ROBO1: variants seen among roughly 807,000 people sequenced by gnomAD.
The protein encoded by ROBO1 is roundabout homolog 1.
Under a neutral mutation model 195.9 loss-of-function variants are expected in ROBO1, and 149 were observed. The observed-to-expected ratio is 0.76, with a 90% CI of 0.67 to 0.87. ROBO1 has a LOEUF of 0.87. Ranked by LOEUF, ROBO1 falls within the 40% of genes least tolerant of loss-of-function variation. ROBO1 has a pLI of 0.00. For missense variants in ROBO1, 1,933 were observed against 2,068.3 expected, an observed-to-expected ratio of 0.93 and a Z score of 1.27; for synonymous variants, 816 against 733.2, an observed-to-expected ratio of 1.11 and a Z score of -1.82.
At chr3:78,601,409 C>A (rs1703163735) in intron 29 of ROBO1, among the ~76,000 whole-genome samples, 1 of 152,138 alleles carries the variant, frequency 6.6e-6, no homozygotes, top group South Asian at 2.1e-4. Context: ...CCATTCTACT[C>A]ATCACAACTT....
chr3:79,679,047 T>C (rs1002758789), intron 1 of ROBO1, among the ~76,000 whole-genome samples: 1 of 152,088 alleles, frequency 6.6e-6, no homozygotes, highest in Non-Finnish European at 1.5e-5. Flanking sequence ...TAAAATCATA[T>C]GGATATATAG....
intron 4 of ROBO1, among the ~76,000 whole-genome samples, chr3:78,908,488 A>G (rs1218355605): frequency 6.6e-6 from 1 of 151,978 alleles, no homozygotes; most frequent in Non-Finnish European, 1.5e-5. Flanking sequence ...CAGTCTGAGT[A>G]GCCATTTAAA....
At chr3:78,721,136 T>C (rs1185257984) in intron 5 of ROBO1, among the ~76,000 whole-genome samples, 1 of 152,124 alleles carries the variant, frequency 6.6e-6, no homozygotes, top group Non-Finnish European at 1.5e-5. Context: ...ATACGAGTTG[T>C]ACAAATGAAA....
At chr3:79,471,495 C>A (rs1938267426) in intron 2 of ROBO1, among the ~76,000 whole-genome samples, 1 of 151,994 alleles carries the variant, frequency 6.6e-6, no homozygotes, top group African/African-American at 2.4e-5. Context: ...TTTTTTCTCA[C>A]TATACTATGT....
At chr3:79,351,637 A>G (rs1438234029) in intron 2 of ROBO1, among the ~76,000 whole-genome samples, 2 of 152,092 alleles carry the variant, frequency 1.3e-5, no homozygotes, top group Non-Finnish European at 2.9e-5. Flanking sequence ...ATTATTGTTC[A>G]TTTCATCCCT....
intron 3 of ROBO1, among the ~76,000 whole-genome samples, chr3:78,973,786 C>T (rs2076827429): frequency 6.6e-6 from 1 of 151,588 alleles, no homozygotes; most frequent in African/African-American, 2.4e-5. Context: ...ACATAAATAT[C>T]GCATATTTAT....
In ROBO1 at chr3:79,052,028, C is replaced by T. The variant is rs111948436; in HGVS notation, c.172+73428G>A. On this transcript the variant is annotated intron_variant, in intron 3 of 30. Coordinates refer to ENST00000464233, the MANE Select transcript of ROBO1 (RefSeq NM_002941.4). ...ATGAAATCTGGGCATCCTAAAAGAA[C>T]AGGATAACAGCGATTTTCAGGGAAC... Among the ~76,000 whole-genome samples, 97 of 152,126 alleles carry T rather than the reference C, an allele frequency of 6.4e-4. 2 individuals are homozygous for T. Among genetic ancestry groups the T allele is most frequent in the African/African-American group, 2.2e-3 (92 of 41,524 alleles).
chr3:78,863,348 T>C (rs2034968557), intron 4 of ROBO1, among the ~76,000 whole-genome samples: 2 of 152,178 alleles, frequency 1.3e-5, no homozygotes, highest in Admixed American at 1.3e-4. Flanking sequence ...CTATTTTATA[T>C]AGCCCATACT....
intron 4 of ROBO1, among the ~76,000 whole-genome samples, chr3:78,822,914 A>G (rs2031154191): frequency 6.6e-6 from 1 of 152,216 alleles, no homozygotes; most frequent in South Asian, 2.1e-4. Context: ...AATTATGTCA[A>G]TTTTCCCTCA....
chr3:79,247,129 G>GA (rs2082639081), intron 2 of ROBO1, among the ~76,000 whole-genome samples: 1 of 134,808 alleles, frequency 7.4e-6, no homozygotes, highest in Non-Finnish European at 1.6e-5. Flanking sequence ...CCTGTTTACT[G>GA]TTTTTTTTTT....
intron 4 of ROBO1, among the ~76,000 whole-genome samples, chr3:78,912,396 C>T (rs1046336841): frequency 1.3e-5 from 2 of 152,100 alleles, no homozygotes; most frequent in African/African-American, 2.4e-5. Flanking sequence ...TCCGTGAAGA[C>T]AGATTACCAC....
chr3:79,294,502 G>T (rs1210593087), intron 2 of ROBO1, among the ~76,000 whole-genome samples: 1 of 152,158 alleles, frequency 6.6e-6, no homozygotes, highest in Non-Finnish European at 1.5e-5. Flanking sequence ...AATCTTAGAA[G>T]AAAATCTAGG....
intron 2 of ROBO1, among the ~76,000 whole-genome samples, chr3:79,474,712 G>A (rs1938459961): frequency 6.6e-6 from 1 of 151,962 alleles, no homozygotes; most frequent in South Asian, 2.1e-4. Flanking sequence ...CAAATAAGTT[G>A]GTGAAACACC....
chr3:79,429,283 G>T (rs2038577482), intron 2 of ROBO1, among the ~76,000 whole-genome samples: 1 of 152,088 alleles, frequency 6.6e-6, no homozygotes, highest in Non-Finnish European at 1.5e-5. Context: ...AAAGCATTAT[G>T]TCAGAATCCA....
rs546361880 is a variant in ROBO1, at chr3:78,770,713, C to T, written c.500-23813G>A. On this transcript the variant is annotated intron_variant, in intron 4 of 30. Transcript: ENST00000464233. The stretch of plus-strand genomic sequence containing the variant: ...TAAGTTCTTTTGCAAAGCCAATATC[C>T]AGAATAGTGTATCCTAGGTTTTCCT... 3.9e-5 allele frequency among the ~76,000 whole-genome samples: 6 copies of T among 152,208 alleles called. No homozygotes were observed. The East Asian group carries it at 9.7e-4, about 24-fold the overall frequency.
chr3:79,021,651 ATTT>A (rs71127372), intron 3 of ROBO1, among the ~76,000 whole-genome samples: 49,442 of 77,258 alleles, frequency 0.64, 14,878 homozygotes, highest in South Asian at 0.78. Context: ...CCTAGAGATG[ATTT>A]TTTTTTTTTT....
chr3:79,534,497 G>C (rs1172431204), intron 2 of ROBO1, among the ~76,000 whole-genome samples: 1 of 152,064 alleles, frequency 6.6e-6, no homozygotes, highest in Non-Finnish European at 1.5e-5. Flanking sequence ...GACCTTCTGA[G>C]TATATTGTTA....
At chr3:79,742,532 A>G (rs1487891501) in intron 1 of ROBO1, among the ~76,000 whole-genome samples, 1 of 152,146 alleles carries the variant, frequency 6.6e-6, no homozygotes, top group African/African-American at 2.4e-5. Flanking sequence ...CCAGCTGGCC[A>G]TATGACTATG....
At chr3:79,147,490 T>G (rs1283341730) in intron 2 of ROBO1, among the ~76,000 whole-genome samples, 1 of 151,984 alleles carries the variant, frequency 6.6e-6, no homozygotes, top group Non-Finnish European at 1.5e-5. Context: ...CTTACACAGC[T>G]GTTGTCCCAA....
Sources: allele counts gnomAD v4.1 joint callset (sites outside exome capture counted in the v4.1 genomes callset), GRCh38; gene constraint gnomAD v4.1.1; transcripts MANE v1.5; gene names NCBI Gene and HGNC (gene_info 2026-07-23, HGNC 2026-07-21).